The following OTOGL variants were observed in gnomAD, a reference collection of about 807,000 sequenced individuals.
OTOGL encodes otogelin-like protein.
OTOGL carries 285 observed loss-of-function variants against 318.5 expected under a neutral mutation model. The ratio of observed to expected loss-of-function variants is 0.89; its 90% CI spans 0.81 to 0.99. The LOEUF (loss-of-function observed/expected upper bound fraction) is 0.99. Among genes scored for constraint, OTOGL ranks in the 50% least tolerant of loss-of-function variants. The probability of loss-of-function intolerance (pLI) is 0.00; values close to 1 mark genes in which losing one functional copy is unlikely to be tolerated. For missense variants in OTOGL, 2,899 were observed against 2,845.6 expected, an observed-to-expected ratio of 1.02 and a Z score of -0.43; for synonymous variants, 987 against 936.5, an observed-to-expected ratio of 1.05 and a Z score of -0.99.
At chr12:80,230,019 G>T (rs957695110) in intron 8 of OTOGL, among the ~76,000 whole-genome samples, 5 of 151,418 alleles carry the variant, frequency 3.3e-5, no homozygotes, top group African/African-American at 4.9e-5. Context: ...TTTTAACCTA[G>T]AAATACTGTG....
chr12:80,180,699 G>C (rs1874860146), intron 1 of OTOGL, among the ~76,000 whole-genome samples: 1 of 152,146 alleles, frequency 6.6e-6, no homozygotes. Context: ...AGTGTTGTAG[G>C]TACTGAGAGG....
At chr12:80,149,879 C>A (rs1872667752) in intron 1 of OTOGL, among the ~76,000 whole-genome samples, 1 of 152,206 alleles carries the variant, frequency 6.6e-6, no homozygotes, top group Non-Finnish European at 1.5e-5. Flanking sequence ...CCTTGCACTT[C>A]CCGAGTGAGG....
chr12:80,255,273 G>T, intron 16 of OTOGL, 88 bp downstream of exon 16: 2 of 1,196,902 alleles, frequency 1.7e-6, no homozygotes, highest in South Asian at 2.7e-5. Flanking sequence ...TAACATGAGT[G>T]GATATAGCTA....
chr12:80,232,622 G>C, intron 8 of OTOGL, among the ~76,000 whole-genome samples: 1 of 152,102 alleles, frequency 6.6e-6, no homozygotes, highest in Non-Finnish European at 1.5e-5. Context: ...GTTTTTGGTT[G>C]GTTCAAAGAA....
At chr12:80,149,692 T>C (rs1872648420) in intron 1 of OTOGL, among the ~76,000 whole-genome samples, 1 of 152,194 alleles carries the variant, frequency 6.6e-6, no homozygotes, top group African/African-American at 2.4e-5. Context: ...CAGTTTGATC[T>C]CAGACTGCTG....
intron 1 of OTOGL, among the ~76,000 whole-genome samples, chr12:80,143,756 T>G (rs1872112271): frequency 6.6e-6 from 1 of 152,158 alleles, no homozygotes; most frequent in African/African-American, 2.4e-5. Flanking sequence ...AAGGAGGCCA[T>G]CAGGAGTAAC....
At chr12:80,264,636 C>T (rs1179725321) in intron 19 of OTOGL, among the ~76,000 whole-genome samples, 1 of 152,166 alleles carries the variant, frequency 6.6e-6, no homozygotes, top group Non-Finnish European at 1.5e-5. Context: ...CAATCTGGAA[C>T]CACTTTGTTA....
At chr12:80,178,512 A>T (rs1874695918) in intron 1 of OTOGL, among the ~76,000 whole-genome samples, 1 of 152,114 alleles carries the variant, frequency 6.6e-6, no homozygotes, top group Admixed American at 6.6e-5. Flanking sequence ...ACTTTTCCAT[A>T]TAAACTCTAG....
chr12:80,343,326 A>C lies in OTOGL; in HGVS notation c.5265+1164A>C, dbSNP rs556723940. Among the ~76,000 whole-genome samples, 229 of 152,206 alleles carry C rather than the reference A, an allele frequency of 1.5e-3. 1 individual carries two copies. The highest frequency in any genetic ancestry group is 3.9e-3 in the Admixed American group (60 of 15,288). On this transcript the variant is annotated intron_variant, in intron 44 of 58. Transcript: ENST00000547103. ...AGATATCAAAATCCTTGGATGCCCA[A>C]GTCCCTTTATAAAATATAGTATAGT...
chr12:80,245,031 G>T (rs1480876923), intron 11 of OTOGL, among the ~76,000 whole-genome samples: 1 of 145,526 alleles, frequency 6.9e-6, no homozygotes, highest in African/African-American at 2.8e-5. Context: ...TTGTAAATTT[G>T]TTTGAGTTCA....
intron 16 of OTOGL, 24 bp from the exon 17 acceptor site, chr12:80,256,313 A>G: frequency 6.3e-7 from 1 of 1,584,970 alleles, no homozygotes; most frequent in Non-Finnish European, 8.6e-7. Flanking sequence ...CATTCCTTGC[A>G]TTGATAATTT....
chr12:80,115,144 G>A (rs1454354100), intron 1 of OTOGL, among the ~76,000 whole-genome samples: 2 of 152,016 alleles, frequency 1.3e-5, no homozygotes, highest in East Asian at 1.9e-4. Flanking sequence ...CCTTGATGGT[G>A]AGGAGTTGTT....
Position 80,353,388 on chromosome 12 carries a change from G to GC in OTOGL, c.5473dup (p.Leu1825ProfsTer44). On this transcript the variant is annotated frameshift_variant, in exon 46 of 59. Coordinates refer to ENST00000547103, the MANE Select transcript of OTOGL (RefSeq NM_001378609.3). LOFTEE classifies it high-confidence loss of function. Reference sequence around the variant, plus strand: ...GTGCGACCTTGTGAAGCAAGAACATGCCTGAACCAATGGTTCTATGGACAC... The same window carrying GC: ...GTGCGACCTTGTGAAGCAAGAACATGCCCTGAACCAATGGTTCTATGGACAC... The GC allele has an allele frequency of 6.2e-7, 1 of 1,602,878 alleles. No homozygotes were observed. The highest frequency in any genetic ancestry group is 8.5e-7 in the Non-Finnish European group (1 of 1,174,400).
intron 29 of OTOGL, among the ~76,000 whole-genome samples, chr12:80,306,949 T>C (rs1886161802): frequency 6.7e-6 from 1 of 149,142 alleles, no homozygotes; most frequent in South Asian, 2.1e-4. Context: ...CAGAGGACCC[T>C]GCGGCCTTTC....
intron 35 of OTOGL, among the ~76,000 whole-genome samples, chr12:80,328,319 A>AAACAACAAC (rs3045899): frequency 0.047 from 6,978 of 148,810 alleles, 190 homozygotes; most frequent in East Asian, 0.057. Flanking sequence ...ACCCTGTCAC[A>AAACAACAAC]AACAACAACA....
At chr12:80,195,603 G>A (rs573688368) in intron 1 of OTOGL, among the ~76,000 whole-genome samples, 1 of 152,282 alleles carries the variant, frequency 6.6e-6, no homozygotes, top group South Asian at 2.1e-4. Flanking sequence ...ATCACAATGT[G>A]TATTACTCAG....
intron 26 of OTOGL, among the ~76,000 whole-genome samples, chr12:80,279,822 G>A (rs997893440): frequency 6.6e-6 from 1 of 151,790 alleles, no homozygotes; most frequent in East Asian, 1.9e-4. Flanking sequence ...GGGATTGCTG[G>A]GTTGACTGGT....
intron 52 of OTOGL, 26 bp downstream of exon 52, chr12:80,358,926 T>A (rs1380055724): frequency 7.0e-7 from 1 of 1,436,134 alleles, no homozygotes; most frequent in East Asian, 2.5e-5. Flanking sequence ...TTGATTGACT[T>A]GTCATATTTA....
intron 52 of OTOGL, among the ~76,000 whole-genome samples, chr12:80,360,884 A>G (rs535732892): frequency 1.3e-5 from 2 of 151,966 alleles, no homozygotes; most frequent in Non-Finnish European, 2.9e-5. Context: ...TATTGTATAT[A>G]TTTATTATGT....
Sources: gnomAD v4.1 joint callset for allele counts (sites outside exome capture counted in the v4.1 genomes callset) on GRCh38, gnomAD v4.1.1 for gene constraint, MANE v1.5 for transcripts, NCBI Gene and HGNC (gene_info 2026-07-23, HGNC 2026-07-21) for gene names.